KIF1B: variants seen among roughly 807,000 people sequenced by gnomAD.
The protein encoded by KIF1B is kinesin-like protein KIF1B.
A neutral mutation model predicts 241.9 loss-of-function variants in KIF1B; 76 were observed. The ratio of observed to expected loss-of-function variants is 0.31; its 90% CI spans 0.26 to 0.38. The LOEUF (loss-of-function observed/expected upper bound fraction) is 0.38. Among genes scored for constraint, KIF1B ranks in the 10% least tolerant of loss-of-function variants. The pLI, the probability that KIF1B is intolerant of heterozygous loss-of-function variation, is 1.00. For synonymous variants in KIF1B, 750 were observed against 796.7 expected, an observed-to-expected ratio of 0.94 and a Z score of 0.99; for missense variants, 1,622 against 2,271.4, an observed-to-expected ratio of 0.71 and a Z score of 5.81.
At chr1:10,352,606 C>A in intron 37 of KIF1B, 25 bp from the exon 38 acceptor site, 1 of 1,576,768 alleles carries the variant, frequency 6.3e-7, no homozygotes, top group South Asian at 1.1e-5. Context: ...TGTCCGTGCT[C>A]TGTTTTTTTT....
At chr1:10,322,793 T>C (rs558758782) in intron 24 of KIF1B, among the ~76,000 whole-genome samples, 7 of 152,358 alleles carry the variant, frequency 4.6e-5, no homozygotes, top group Non-Finnish European at 1.0e-4. Flanking sequence ...TTTTTCTTAC[T>C]ACTGTGCATA....
Position 10,318,074 on chromosome 1 carries a change from A to T in KIF1B, c.2116-1969A>T, listed in dbSNP as rs577824473. On this transcript the variant is annotated intron_variant, in intron 22 of 48. Transcript: ENST00000676179. ...CAAACCCAAGCCTCTTACCAGTTTA[A>T]TTTTTTTTTCTTTTTTTTCATAACA... is the stretch of plus-strand genomic sequence containing the variant. 2.0e-3 allele frequency among the ~76,000 whole-genome samples: 308 copies of T among 150,596 alleles called. 12 individuals carry two copies. The highest frequency in any genetic ancestry group is 7.2e-3 in the African/African-American group (290 of 40,498).
chr1:10,262,730 G>C (rs1648219457), intron 5 of KIF1B, among the ~76,000 whole-genome samples: 1 of 152,042 alleles, frequency 6.6e-6, no homozygotes, highest in South Asian at 2.1e-4. Context: ...TGTAAATTAT[G>C]CATATGCCTG....
chr1:10,282,439 C>T lies in KIF1B; in HGVS notation c.1340C>T (p.Ser447Leu). 6.2e-7 allele frequency: 1 copy of T among 1,614,168 alleles called. No individual in the cohort carries two copies. Among genetic ancestry groups the T allele is most frequent in the Non-Finnish European group, 8.5e-7 (1 of 1,180,004 alleles). ...CTCACTTCATCCCCATCTTCCTGCT[C>T]ACTCAGTAGTCAGGTGGGCTTGACG... is the stretch of plus-strand genomic sequence containing the variant. ...GSLTSSPSSC[S>L]LSSQVGLTSV... The change falls in exon 15 of 49, where the codon TCA becomes TTA. Residue 447 changes from serine (S) to leucine (L), a missense_variant. By Grantham distance (145) the Ser-to-Leu change is moderately radical. This residue lies in a region of KIF1B where 201 missense variants were observed against 301.2 expected (regional missense o/e 0.67). Coordinates refer to ENST00000676179, the MANE Select transcript of KIF1B (RefSeq NM_001365951.3).
chr1:10,291,498 C>T (rs976451820), intron 16 of KIF1B, among the ~76,000 whole-genome samples: 2 of 152,132 alleles, frequency 1.3e-5, no homozygotes, highest in African/African-American at 2.4e-5. Flanking sequence ...ATCACGAGGT[C>T]GGGAGATCGA....
At chr1:10,291,054 CT>C (rs1382125520) in intron 15 of KIF1B, 27 bp from the exon 16 acceptor site, 1 of 1,576,886 alleles carries the variant, frequency 6.3e-7, no homozygotes, top group Non-Finnish European at 8.7e-7. Flanking sequence ...GACTCTTTGC[CT>C]CTTTAACTGT....
At chr1:10,294,742 C>T (rs777375770) in intron 17 of KIF1B, among the ~76,000 whole-genome samples, 4 of 152,068 alleles carry the variant, frequency 2.6e-5, no homozygotes, top group Non-Finnish European at 5.9e-5. Flanking sequence ...GTGGCGAACA[C>T]CTGTAATCCC....
intron 22 of KIF1B, 140 bp downstream of exon 22, chr1:10,297,386 A>C: frequency 1.2e-6 from 1 of 821,118 alleles, no homozygotes; most frequent in Non-Finnish European, 2.1e-6. Flanking sequence ...CTTAATGGAG[A>C]ATGAACTTAA....
chr1:10,347,752 A>AT lies in KIF1B; in HGVS notation c.3798-3dup, dbSNP rs765524726. 3.7e-6 allele frequency: 6 copies of AT among 1,612,050 alleles called. No homozygotes were observed. The highest frequency in any genetic ancestry group is 5.1e-6 in the Non-Finnish European group (6 of 1,178,588). ...ACTTAGTTTTTTCTTTTGCGTTTCT[A>AT]TTTTTTAGGTATATCCCAGCTGTGG... On this transcript the variant is annotated splice_polypyrimidine_tract_variant and intron_variant, in intron 35 of 48. Transcript: ENST00000676179.
chr1:10,293,234 A>C (rs557993930), intron 17 of KIF1B, among the ~76,000 whole-genome samples: 1 of 152,180 alleles, frequency 6.6e-6, no homozygotes, highest in Non-Finnish European at 1.5e-5. Flanking sequence ...TCACAGTTTT[A>C]ATAGTTTTTC....
At chr1:10,344,989 T>G (rs908432558) in intron 34 of KIF1B, 1 of 152,200 alleles carries the variant, frequency 6.6e-6, no homozygotes, top group African/African-American at 2.4e-5. Flanking sequence ...GCTCAGGAGT[T>G]AGAGACCAGC....
intron 2 of KIF1B, among the ~76,000 whole-genome samples, chr1:10,248,912 A>G (rs1647296525): frequency 6.6e-6 from 1 of 152,244 alleles, no homozygotes. Flanking sequence ...AGATTGAAGA[A>G]AAGACCTCAG....
In KIF1B at chr1:10,244,397, C is replaced by T. The variant is rs1647178068; in HGVS notation, c.107-11850C>T. Among the ~76,000 whole-genome samples, 3 of 150,500 alleles carry T rather than the reference C, an allele frequency of 2.0e-5. No individual in the cohort carries two copies. The South Asian group carries it at 6.3e-4, about 32-fold the overall frequency. Reference sequence around the variant, plus strand: ...TGGCCCGATCTCGGCTCACCGCAACCTCCGCCTCCCAGGTTCAAGCAATTC... The same window carrying T: ...TGGCCCGATCTCGGCTCACCGCAACTTCCGCCTCCCAGGTTCAAGCAATTC... On this transcript the variant is annotated intron_variant, in intron 2 of 48. Transcript: ENST00000676179.
chr1:10,256,734 C>T (rs997074757), intron 3 of KIF1B, among the ~76,000 whole-genome samples: 6 of 150,974 alleles, frequency 4.0e-5, no homozygotes, highest in Non-Finnish European at 7.4e-5. Flanking sequence ...TCTTCTGAGA[C>T]GGAGTCTCAC....
At chr1:10,308,691 C>T (rs1014521994) in intron 22 of KIF1B, 2 of 884,660 alleles carry the variant, frequency 2.3e-6, no homozygotes, top group Non-Finnish European at 2.7e-6. Context: ...GCTTTTTCAT[C>T]TGAAGATGGT....
intron 22 of KIF1B, chr1:10,305,061 T>C: frequency 9.3e-7 from 1 of 1,075,752 alleles, no homozygotes. Context: ...GAATTAAATG[T>C]CTGTTATTCA....
chr1:10,354,360 A>G (rs889753755), intron 38 of KIF1B, among the ~76,000 whole-genome samples: 1 of 152,236 alleles, frequency 6.6e-6, no homozygotes, highest in Non-Finnish European at 1.5e-5. Flanking sequence ...AACCACACCC[A>G]TAATTCATCA....
chr1:10,317,231 T>C (rs942773762), intron 22 of KIF1B, among the ~76,000 whole-genome samples: 1 of 151,560 alleles, frequency 6.6e-6, no homozygotes, highest in African/African-American at 2.4e-5. Flanking sequence ...GAGTTTCCCC[T>C]TTTTCTCTCC....
intron 32 of KIF1B, among the ~76,000 whole-genome samples, chr1:10,340,682 A>G (rs1052620670): frequency 6.6e-6 from 1 of 152,146 alleles, no homozygotes; most frequent in African/African-American, 2.4e-5. Context: ...CATCTGAGAC[A>G]CGAGAATTGC....
Sources: allele counts gnomAD v4.1 joint callset (sites outside exome capture counted in the v4.1 genomes callset), GRCh38; gene constraint gnomAD v4.1.1; regional missense constraint gnomAD v4.1.1; transcripts MANE v1.5; gene names NCBI Gene and HGNC (gene_info 2026-07-23, HGNC 2026-07-21).